The following VWF variants were observed in gnomAD, a reference collection of about 807,000 sequenced individuals.
VWF encodes the protein von Willebrand factor.
In VWF, 176 loss-of-function variants were observed where a neutral mutation model predicts 308.6. The ratio of observed to expected loss-of-function variants is 0.57; its 90% CI spans 0.50 to 0.65. The LOEUF (loss-of-function observed/expected upper bound fraction) is 0.65. Ranked by LOEUF, VWF falls within the 30% of genes least tolerant of loss-of-function variation. The probability of loss-of-function intolerance (pLI) is 0.00; values close to 1 mark genes in which losing one functional copy is unlikely to be tolerated. For synonymous variants in VWF, 1,385 were observed against 1,443.4 expected (o/e 0.96, Z 0.92); for missense variants, 3,146 against 3,648.2 (o/e 0.86, Z 3.55).
At chr12:6,112,060 C>T (rs1417819617) in intron 3 of VWF, among the ~76,000 whole-genome samples, 2 of 152,194 alleles carry the variant, frequency 1.3e-5, no homozygotes, top group Admixed American at 1.3e-4. Context: ...GATTCATGAG[C>T]TCCACCTAAG....
chr12:6,012,177 A>G, intron 32 of VWF, 47 bp from the exon 33 acceptor site: 1 of 1,607,040 alleles, frequency 6.2e-7, no homozygotes, highest in Non-Finnish European at 8.5e-7. Flanking sequence ...TTCACCCAGA[A>G]ATTCTGAACC....
chr12:6,057,099 G>C (rs1176635056), intron 14 of VWF, 27 bp from the exon 15 acceptor site: 1 of 1,522,994 alleles, frequency 6.6e-7, no homozygotes, highest in South Asian at 1.2e-5. Context: ...GCGAGCCTGG[G>C]ATGTGGTGGG....
At position 5,969,328 on chromosome 12, in the gene VWF, C is replaced by G; in HGVS notation, c.7612G>C (p.Glu2538Gln). The G allele has an allele frequency of 6.2e-7, 1 of 1,614,208 alleles. No homozygotes were observed. The highest frequency in any genetic ancestry group is 1.1e-5 in the South Asian group (1 of 91,086). Reference protein sequence around the residue: ...CLINECVRVKEEVFIQQRNVS... With the variant: ...CLINECVRVKQEVFIQQRNVS... ...TTCCTTTGTTGTATAAAGACCTCCT[C>G]CTTCACTCGGACACACTCATTGATG... The change falls in exon 45 of 52, where the codon GAG (glutamate) becomes CAG (glutamine). Residue 2538 changes from glutamate to glutamine, a missense_variant. By Grantham distance (29) the Glu-to-Gln change is conservative. Coordinates refer to ENST00000261405, the MANE Select transcript of VWF (RefSeq NM_000552.5).
intron 6 of VWF, among the ~76,000 whole-genome samples, chr12:6,077,236 G>A (rs988637159): frequency 8.5e-5 from 13 of 152,328 alleles, no homozygotes; most frequent in African/African-American, 2.4e-4. Flanking sequence ...CTTGAACGGC[G>A]GGGCAGGGGT....
intron 47 of VWF, 52 bp from the exon 48 acceptor site, chr12:5,953,646 C>A: frequency 6.9e-7 from 1 of 1,450,862 alleles, no homozygotes; most frequent in South Asian, 1.1e-5. Context: ...TAAAACATCC[C>A]AATTGTAAGT....
intron 43 of VWF, among the ~76,000 whole-genome samples, chr12:5,974,701 G>A (rs1565815243): frequency 6.6e-6 from 1 of 152,234 alleles, no homozygotes; most frequent in Non-Finnish European, 1.5e-5. Flanking sequence ...AAATGTGTGA[G>A]AAAGCAAAAC....
chr12:5,992,709 CCCT>C (rs2136383878), intron 37 of VWF, among the ~76,000 whole-genome samples: 1 of 152,280 alleles, frequency 6.6e-6, no homozygotes. Flanking sequence ...TGATTCATTT[CCCT>C]CGTTCTGATT....
In VWF at chr12:6,058,104, T is replaced by A. The variant is rs1041761973; in HGVS notation, c.1534-60A>T. The A allele has an allele frequency of 3.5e-5, 56 of 1,585,642 alleles. 1 individual carries two copies. In the Admixed American group the frequency reaches 9.6e-4, roughly 27 times the overall value. ...CCGCGAAAGCAGCGGCATAGTTGTT[T>A]AGCTAATGAGATGGTTTTAATAAAA... On this transcript the variant is annotated intron_variant, in intron 13 of 51. Transcript: ENST00000261405. The surrounding 1 kb of genome is among the most constrained non-coding windows in gnomAD (Gnocchi z 4.9).
intron 32 of VWF, among the ~76,000 whole-genome samples, chr12:6,012,762 C>A (rs745361595): frequency 6.7e-6 from 1 of 150,156 alleles, no homozygotes; most frequent in African/African-American, 2.5e-5. Context: ...AGTACAGTGG[C>A]GCGATCTCGG....
Position 6,016,776 on chromosome 12 carries a change from A to G in VWF, c.5148T>C (p.Ala1716=). The change falls in exon 29 of 52, where the codon GCT becomes GCC. Residue 1716 remains alanine (A), a synonymous_variant. Coordinates refer to ENST00000261405, the MANE Select transcript of VWF (RefSeq NM_000552.5). ...CACCTATATTGGCTTTTGAAATGAA[A>G]GCCTTGGCGAAACTCTTCATTTCAT... ...YFDEMKSFAK[A]FISKANIGPR... 1.2e-6 allele frequency: 2 copies of G among 1,614,166 alleles called. No individual in the cohort carries two copies. Among genetic ancestry groups the G allele is most frequent in the Non-Finnish European group, 1.7e-6 (2 of 1,180,044 alleles).
chr12:5,951,668 C>T (rs571226656), intron 50 of VWF, among the ~76,000 whole-genome samples, 176 bp downstream of exon 50: 10 of 152,132 alleles, frequency 6.6e-5, no homozygotes, highest in African/African-American at 1.2e-4. Flanking sequence ...GGAGGCTGCT[C>T]CCTGCAAGAC....
At position 5,996,189 on chromosome 12, in the gene VWF, A is replaced by C. The variant is rs886049739; in HGVS notation, c.5876T>G (p.Val1959Gly). ...VCTGSSTRHI[V>G]TFDGQNFKLT... Reference sequence around the variant, plus strand: ...CTTGAAATTCTGCCCATCAAAGGTCACGATGTGCCGAGTGGAGCTGCCTGT... The same window carrying C: ...CTTGAAATTCTGCCCATCAAAGGTCCCGATGTGCCGAGTGGAGCTGCCTGT... Residue 1959 changes from valine to glycine, a missense_variant, in exon 35 of 52, where the codon GTG (valine) becomes GGG (glycine). Physicochemically the swap from Val to Gly is moderately radical, Grantham distance 109. This residue lies in a region of VWF where 989 missense variants were observed against 1,117.4 expected (regional missense o/e 0.89). Coordinates refer to ENST00000261405, the MANE Select transcript of VWF (RefSeq NM_000552.5). 1 of 1,613,880 alleles carries C rather than the reference A, an allele frequency of 6.2e-7. No individual in the cohort carries two copies. The highest frequency in any genetic ancestry group is 1.1e-5 in the South Asian group (1 of 91,016).
At chr12:5,961,074 G>A (rs1000943090) in intron 47 of VWF, among the ~76,000 whole-genome samples, 6 of 152,138 alleles carry the variant, frequency 3.9e-5, no homozygotes, top group African/African-American at 7.2e-5. Context: ...TCCAGGTTGC[G>A]TGCTCCTTAT....
chr12:5,985,339 G>A (rs1451185883), intron 39 of VWF, among the ~76,000 whole-genome samples: 1 of 152,204 alleles, frequency 6.6e-6, no homozygotes, highest in Non-Finnish European at 1.5e-5. Context: ...CCGTTGCTGG[G>A]GACCAGAGGC....
chr12:6,016,274 C>A (rs1442380224), intron 30 of VWF, 42 bp from the exon 31 acceptor site: 1 of 1,613,904 alleles, frequency 6.2e-7, no homozygotes, highest in Non-Finnish European at 8.5e-7. Flanking sequence ...GTACTGACTG[C>A]GGCTCGACAC....
At chr12:5,951,952 G>A (rs1217084839) in intron 49 of VWF, 69 bp from the exon 50 acceptor site, 3 of 1,538,838 alleles carry the variant, frequency 1.9e-6, no homozygotes, top group Admixed American at 1.7e-5. Flanking sequence ...GGTCACTCCG[G>A]GCCAATTTTT....
intron 18 of VWF, among the ~76,000 whole-genome samples, chr12:6,043,612 G>A (rs1944415976): frequency 6.6e-6 from 1 of 152,244 alleles, no homozygotes; most frequent in Non-Finnish European, 1.5e-5. Context: ...AGGGAGATAA[G>A]GAGGAGTAGG....
Position 5,952,763 on chromosome 12 carries a change from A to T in VWF, c.7987-244T>A, listed in dbSNP as rs187127954. 2.1e-3 allele frequency among the ~76,000 whole-genome samples: 320 copies of T among 152,318 alleles called. 1 individual carries two copies. The highest frequency in any genetic ancestry group is 3.7e-3 in the South Asian group (18 of 4,826). On this transcript the variant is annotated intron_variant, in intron 48 of 51. Coordinates refer to ENST00000261405, the MANE Select transcript of VWF (RefSeq NM_000552.5). ...TTCCGACCAGTTAAATGCTTGAAGG[A>T]TTGAGATATAGCAACAGTAAACTGG...
At chr12:6,015,280 G>C (rs919526440) in intron 31 of VWF, among the ~76,000 whole-genome samples, 2 of 152,176 alleles carry the variant, frequency 1.3e-5, no homozygotes, top group Non-Finnish European at 2.9e-5. Flanking sequence ...GCAAGGAATA[G>C]ATATGTTACA....
Sources: allele counts gnomAD v4.1 joint callset (sites outside exome capture counted in the v4.1 genomes callset), GRCh38; gene constraint gnomAD v4.1.1; regional missense constraint gnomAD v4.1.1; non-coding constraint Gnocchi (gnomAD v3.1); transcripts MANE v1.5; gene names NCBI Gene and HGNC (gene_info 2026-07-23, HGNC 2026-07-21).